LUZP2: variants seen among roughly 807,000 people sequenced by gnomAD.
LUZP2 encodes leucine zipper protein 2.
Under a neutral mutation model 51.6 loss-of-function variants are expected in LUZP2, and 52 were observed. The ratio of observed to expected loss-of-function variants is 1.01; its 90% CI spans 0.81 to 1.27. The LOEUF (loss-of-function observed/expected upper bound fraction) is 1.27, where lower values mean the gene tolerates loss of function less well. LUZP2 is among the 50% of genes most tolerant of loss of function. The pLI is 0.00. For missense variants in LUZP2, 436 were observed against 395.4 expected (o/e 1.10, Z -0.87); for synonymous variants, 154 against 137.3 (o/e 1.12, Z -0.85).
chr11:24,842,518 A>G (rs1851067030), intron 5 of LUZP2, among the ~76,000 whole-genome samples: 1 of 151,920 alleles, frequency 6.6e-6, no homozygotes, highest in Admixed American at 6.6e-5. Context: ...TCAGCAAGCA[A>G]ATGTTGACCT....
intron 5 of LUZP2, among the ~76,000 whole-genome samples, chr11:24,859,908 C>T (rs1488851621): frequency 6.7e-6 from 1 of 148,890 alleles, no homozygotes. Flanking sequence ...AACACGCTGT[C>T]TTACAGCCTC....
At chr11:24,996,137 G>A (rs752262886) in intron 9 of LUZP2, among the ~76,000 whole-genome samples, 14 of 148,946 alleles carry the variant, frequency 9.4e-5, no homozygotes, top group Non-Finnish European at 1.3e-4. Context: ...AGTTTTTTTC[G>A]GTCATTTTTT....
At chr11:24,646,392 TTACTTACTTAAAC>T (rs1363048967) in intron 1 of LUZP2, among the ~76,000 whole-genome samples, 1 of 152,112 alleles carries the variant, frequency 6.6e-6, no homozygotes, top group African/African-American at 2.4e-5. Flanking sequence ...ATGGTTTAGT[TTACTTACTTAAAC>T]AAGAAGTCAG....
intron 1 of LUZP2, among the ~76,000 whole-genome samples, chr11:24,521,228 G>A (rs1912142): frequency 0.15 from 22,959 of 151,762 alleles, 2,980 homozygotes; most frequent in African/African-American, 0.35. Flanking sequence ...GCGTGGGCCT[G>A]TAATCCCAGC....
intron 5 of LUZP2, among the ~76,000 whole-genome samples, chr11:24,857,474 A>G (rs1055548132): frequency 1.2e-4 from 18 of 151,690 alleles, no homozygotes; most frequent in Non-Finnish European, 2.9e-5. Flanking sequence ...ATAAATTCAC[A>G]GTGCCACAAT....
chr11:24,919,814 G>A (rs1440671688), intron 7 of LUZP2, among the ~76,000 whole-genome samples: 1 of 150,826 alleles, frequency 6.6e-6, no homozygotes, highest in African/African-American at 2.4e-5. Context: ...CCTAGTACAG[G>A]TGATTTTCAA....
At chr11:24,623,454 G>C (rs551374016) in intron 1 of LUZP2, among the ~76,000 whole-genome samples, 22 of 152,218 alleles carry the variant, frequency 1.4e-4, no homozygotes, top group Admixed American at 1.2e-3. Flanking sequence ...AATTTTGCAG[G>C]CTTTTGTGAA....
rs570180020 is a variant in LUZP2 at position 24,587,848 on chromosome 11, G to T, written c.62+90543G>T. On this transcript the variant is annotated intron_variant, in intron 1 of 11. Transcript: ENST00000336930. ...CAGCTGTGGTGAGAGGGAAAAAAAG[G>T]CATATTATACAGATGTGTCAGAGGG... Among the ~76,000 whole-genome samples the T allele has an allele frequency of 2.3e-3, 355 of 152,060 alleles. 3 individuals carry two copies. The highest frequency in any genetic ancestry group is 0.014 in the Middle Eastern group (4 of 294).
chr11:24,504,658 A>T (rs1213749529), intron 1 of LUZP2, among the ~76,000 whole-genome samples: 1 of 152,182 alleles, frequency 6.6e-6, no homozygotes, highest in Non-Finnish European at 1.5e-5. Context: ...ATGATGATTT[A>T]ATATGTTTAT....
chr11:24,803,196 T>C (rs953346545), intron 5 of LUZP2, among the ~76,000 whole-genome samples: 1 of 151,996 alleles, frequency 6.6e-6, no homozygotes, highest in Non-Finnish European at 1.5e-5. Context: ...GATTCAAAAA[T>C]GGGCAAAAGA....
intron 1 of LUZP2, among the ~76,000 whole-genome samples, chr11:24,536,101 A>G (rs763017853): frequency 6.6e-6 from 1 of 151,704 alleles, no homozygotes; most frequent in African/African-American, 2.4e-5. Flanking sequence ...AAGTCTTAAC[A>G]TATTCAGGAA....
At chr11:24,976,466 A>G (rs955890000) in intron 7 of LUZP2, 125 bp from the exon 8 acceptor site, 20 of 484,582 alleles carry the variant, frequency 4.1e-5, no homozygotes, top group Non-Finnish European at 3.1e-5. Flanking sequence ...TGAATCTTAC[A>G]GGACACTGTT....
In LUZP2 at chr11:24,527,550, A is replaced by ATCTC. The variant is rs144689201; in HGVS notation, c.62+30260_62+30263dup. Among the ~76,000 whole-genome samples, 1,169 of 140,128 alleles carry ATCTC rather than the reference A, an allele frequency of 8.3e-3. 7 individuals are homozygous for ATCTC. The highest frequency in any genetic ancestry group is 0.022 in the Middle Eastern group (6 of 268). 91.9% of individuals were successfully genotyped at this position (140,128 alleles called of 152,430 possible). On this transcript the variant is annotated intron_variant, in intron 1 of 11. Coordinates refer to ENST00000336930, the MANE Select transcript of LUZP2 (RefSeq NM_001009909.4). ...CTCCTTTTAGTATTGTTAAATAAGA[A>ATCTC]TCTCTCTCTCTCTCTCTCACACACA... is the stretch of plus-strand genomic sequence containing the variant.
chr11:24,905,068 A>G (rs1039591446), intron 5 of LUZP2, among the ~76,000 whole-genome samples: 3 of 152,166 alleles, frequency 2.0e-5, no homozygotes, highest in Non-Finnish European at 4.4e-5. Context: ...GGAGAATATA[A>G]CAATTGCAAT....
intron 1 of LUZP2, among the ~76,000 whole-genome samples, chr11:24,516,882 A>C (rs1176243258): frequency 6.6e-6 from 1 of 152,176 alleles, no homozygotes; most frequent in Non-Finnish European, 1.5e-5. Context: ...TAAGGCTATA[A>C]AATTTAGTTT....
Position 24,501,490 on chromosome 11 carries a change from G to T in LUZP2, c.62+4185G>T, listed in dbSNP as rs565374669. Among the ~76,000 whole-genome samples, 3 of 152,322 alleles carry T rather than the reference G, an allele frequency of 2.0e-5. No homozygotes were observed. In the South Asian group the frequency reaches 6.2e-4, roughly 32 times the overall value. On this transcript the variant is annotated intron_variant, in intron 1 of 11. Coordinates refer to ENST00000336930, the MANE Select transcript of LUZP2 (RefSeq NM_001009909.4). ...TTCTAATGAAATAATGTTTTCTGGT[G>T]TGTGTTATAAGAAACTATGTGTGCG...
intron 1 of LUZP2, among the ~76,000 whole-genome samples, chr11:24,568,272 A>C (rs551585343): frequency 6.7e-6 from 1 of 149,562 alleles, no homozygotes; most frequent in Non-Finnish European, 1.5e-5. Context: ...AGACATGAGA[A>C]TTGCTTGAAC....
intron 1 of LUZP2, among the ~76,000 whole-genome samples, chr11:24,573,858 G>GTT (rs1467538155): frequency 2.7e-4 from 26 of 96,898 alleles, no homozygotes; most frequent in African/African-American, 6.8e-4. Context: ...CTGAATTCTT[G>GTT]TTTTATTTTT....
intron 1 of LUZP2, among the ~76,000 whole-genome samples, chr11:24,636,521 G>A (rs760375228): frequency 6.6e-6 from 1 of 152,126 alleles, no homozygotes; most frequent in African/African-American, 2.4e-5. Flanking sequence ...TCATATCATT[G>A]TGGGAGTATA....
Sources: gnomAD v4.1 joint callset for allele counts (sites outside exome capture counted in the v4.1 genomes callset) on GRCh38, gnomAD v4.1.1 for gene constraint, MANE v1.5 for transcripts, NCBI Gene and HGNC (gene_info 2026-07-23, HGNC 2026-07-21) for gene names.